LRRC4C: variants seen among roughly 807,000 people sequenced by gnomAD.
The protein encoded by LRRC4C is leucine-rich repeat-containing protein 4C.
Under a neutral mutation model 33.6 loss-of-function variants are expected in LRRC4C, and 5 were observed. The observed-to-expected ratio is 0.15, with a 90% CI of 0.08 to 0.31. The LOEUF is 0.31. Among genes scored for constraint, LRRC4C ranks in the 10% least tolerant of loss-of-function variants. LRRC4C has a pLI of 1.00. For synonymous variants in LRRC4C, 329 were observed against 302.0 expected (o/e 1.09, Z -0.93); for missense variants, 560 against 796.7 (o/e 0.70, Z 3.58).
chr11:40,318,047 C>G (rs1945662967), intron 4 of LRRC4C, among the ~76,000 whole-genome samples: 1 of 151,944 alleles, frequency 6.6e-6, no homozygotes, highest in African/African-American at 2.4e-5. Flanking sequence ...TCTAGTAGAC[C>G]TTTGGTATTC....
Position 40,431,107 on chromosome 11 carries a change from A to AAAT in LRRC4C, c.-269-111387_-269-111386insATT, listed in dbSNP as rs1555056637. On this transcript the variant is annotated intron_variant, in intron 3 of 6. Coordinates refer to ENST00000528697, the MANE Select transcript of LRRC4C (RefSeq NM_001258419.2). ...AAACTTAAAGTATAATAAAAAAAAA[A>AAAT]AAAAAAAATAAATTAAGCACATTGT... is the stretch of plus-strand genomic sequence containing the variant. Among the ~76,000 whole-genome samples the AAAT allele has an allele frequency of 5.2e-4, 70 of 135,772 alleles. 1 individual carries two copies. The highest frequency in any genetic ancestry group is 2.8e-3 in the East Asian group (13 of 4,622). 89.1% of individuals were successfully genotyped at this position (135,772 alleles called of 152,430 possible). A position where few individuals can be genotyped will look rare whatever the true frequency, so the allele number is the denominator to read the frequency against.
intron 5 of LRRC4C, among the ~76,000 whole-genome samples, chr11:40,168,515 C>A (rs1364725157): frequency 6.6e-6 from 1 of 152,194 alleles, no homozygotes; most frequent in Admixed American, 6.5e-5. Flanking sequence ...CCTGAAAAAT[C>A]TCCACAGTAT....
chr11:41,306,564 G>A (rs1462419492), intron 1 of LRRC4C, among the ~76,000 whole-genome samples: 1 of 152,194 alleles, frequency 6.6e-6, no homozygotes, highest in Admixed American at 6.5e-5. Flanking sequence ...AGAGTATCCT[G>A]CAGTGAATGT....
chr11:40,413,516 C>A (rs1194622403), intron 3 of LRRC4C, among the ~76,000 whole-genome samples: 1 of 152,114 alleles, frequency 6.6e-6, no homozygotes. Context: ...ACTATCCAAA[C>A]CCTCTTTTCA....
At chr11:41,094,883 A>T (rs1190669875) in intron 1 of LRRC4C, among the ~76,000 whole-genome samples, 1 of 152,176 alleles carries the variant, frequency 6.6e-6, no homozygotes, top group African/African-American at 2.4e-5. Context: ...TCCCTATTTC[A>T]TTCTGTCTAA....
intron 2 of LRRC4C, among the ~76,000 whole-genome samples, chr11:40,755,005 A>G: frequency 6.6e-6 from 1 of 152,030 alleles, no homozygotes. Context: ...GTTTTCAGGG[A>G]CTTTATTTTC....
At chr11:41,348,611 G>T (rs991854421) in intron 1 of LRRC4C, among the ~76,000 whole-genome samples, 1 of 150,860 alleles carries the variant, frequency 6.6e-6, no homozygotes, top group African/African-American at 2.5e-5. Flanking sequence ...CCAGACTATG[G>T]AGAAGACTGT....
intron 1 of LRRC4C, among the ~76,000 whole-genome samples, chr11:41,334,872 A>ACAAG: frequency 6.6e-6 from 1 of 150,390 alleles, no homozygotes; most frequent in Non-Finnish European, 1.5e-5. Flanking sequence ...AAACAAACAA[A>ACAAG]CAAACAAACA....
In LRRC4C at chr11:41,052,783, C is replaced by T. The variant is rs1266486956; in HGVS notation, c.-495-119060G>A. On this transcript the variant is annotated intron_variant, in intron 1 of 6. Transcript: ENST00000528697. ...TTTATTCTGAAATTTTTGCCCTTACCTTTTTTGGGTATTTGATCATTCTTC... is the reference window on the plus strand; with the variant it reads ...TTTATTCTGAAATTTTTGCCCTTACTTTTTTTGGGTATTTGATCATTCTTC... Among the ~76,000 whole-genome samples, 4 of 152,092 alleles carry T rather than the reference C, an allele frequency of 2.6e-5. No individual in the cohort carries two copies. The South Asian group carries it at 8.3e-4, about 32-fold the overall frequency.
chr11:41,315,991 C>A (rs1475252593), intron 1 of LRRC4C, among the ~76,000 whole-genome samples: 2 of 151,968 alleles, frequency 1.3e-5, no homozygotes, highest in Admixed American at 6.6e-5. Flanking sequence ...CCATTTATTT[C>A]TTTTCCCCTA....
At chr11:41,065,131 A>G (rs966960687) in intron 1 of LRRC4C, among the ~76,000 whole-genome samples, 2 of 152,008 alleles carry the variant, frequency 1.3e-5, no homozygotes, top group Non-Finnish European at 2.9e-5. Context: ...ACTCCCATGG[A>G]GCCCAGAAAG....
In LRRC4C at chr11:40,423,337, T is replaced by A. The variant is rs35728580; in HGVS notation, c.-269-103616A>T. Among the ~76,000 whole-genome samples, 3 of 135,026 alleles carry A rather than the reference T, an allele frequency of 2.2e-5. No individual in the cohort carries two copies. The East Asian group carries it at 6.6e-4, about 30-fold the overall frequency. 88.6% of individuals were successfully genotyped at this position (135,026 alleles called of 152,430 possible). On this transcript the variant is annotated intron_variant, in intron 3 of 6. Transcript: ENST00000528697. Reference sequence around the variant, plus strand: ...GTGAAAAGGAAGTCAGTTGTTCATGTTCTTTTTTTTTTTTTTTTTTTTTTT... The same window carrying A: ...GTGAAAAGGAAGTCAGTTGTTCATGATCTTTTTTTTTTTTTTTTTTTTTTT...
chr11:41,298,577 A>G (rs1473092841), intron 1 of LRRC4C, among the ~76,000 whole-genome samples: 4 of 152,208 alleles, frequency 2.6e-5, no homozygotes, highest in African/African-American at 9.6e-5. Context: ...TATGAGTAAT[A>G]AGGCCAAAAT....
At chr11:40,478,342 T>A (rs921212096) in intron 3 of LRRC4C, among the ~76,000 whole-genome samples, 1 of 152,186 alleles carries the variant, frequency 6.6e-6, no homozygotes, top group Admixed American at 6.5e-5. Flanking sequence ...AGGAAAGTTA[T>A]CCTATTAATT....
At chr11:40,936,618 G>A (rs771288144) in intron 1 of LRRC4C, among the ~76,000 whole-genome samples, 1 of 152,030 alleles carries the variant, frequency 6.6e-6, no homozygotes, top group Non-Finnish European at 1.5e-5. Flanking sequence ...TTACAGGTGT[G>A]AGCCACCGTG....
chr11:41,230,391 G>C (rs1485130528), intron 1 of LRRC4C, among the ~76,000 whole-genome samples: 1 of 151,902 alleles, frequency 6.6e-6, no homozygotes, highest in African/African-American at 2.4e-5. Context: ...ATTGATAATG[G>C]TTTCCTTTCC....
At chr11:41,121,637 A>T (rs1484559167) in intron 1 of LRRC4C, among the ~76,000 whole-genome samples, 2 of 152,224 alleles carry the variant, frequency 1.3e-5, no homozygotes, top group Non-Finnish European at 1.5e-5. Context: ...ATGTGTGTTT[A>T]TAATGAGGCT....
chr11:40,433,196 A>G (rs978196280), intron 3 of LRRC4C, among the ~76,000 whole-genome samples: 1 of 152,180 alleles, frequency 6.6e-6, no homozygotes, highest in Non-Finnish European at 1.5e-5. Context: ...ACTATAATTC[A>G]ATAACTGTAT....
In LRRC4C at chr11:40,115,236, C is replaced by T. The variant is rs1238953050; in HGVS notation, c.1057G>A (p.Ala353Thr). 3.1e-6 allele frequency: 5 copies of T among 1,614,170 alleles called. No individual in the cohort carries two copies. The highest frequency in any genetic ancestry group is 4.2e-6 in the Non-Finnish European group (5 of 1,180,044). ...ELDQNYFTCY[A>T]PVIVEPPADL... ...GCAGGGGGCTCCACAATCACCGGAGCATAGCATGTGAAGTAATTCTGGTCG... is the reference window on the plus strand; with the variant it reads ...GCAGGGGGCTCCACAATCACCGGAGTATAGCATGTGAAGTAATTCTGGTCG... Residue 353 changes from alanine to threonine, a missense_variant, in exon 7 of 7, where the codon GCT becomes ACT. Ala to Thr is a moderately conservative substitution (Grantham distance 58, BLOSUM62 0). Coordinates refer to ENST00000528697, the MANE Select transcript of LRRC4C (RefSeq NM_001258419.2). The surrounding 1 kb of genome is among the most constrained non-coding windows in gnomAD (Gnocchi z 6.7).
Sources: allele counts gnomAD v4.1 joint callset (sites outside exome capture counted in the v4.1 genomes callset), GRCh38; gene constraint gnomAD v4.1.1; non-coding constraint Gnocchi (gnomAD v3.1); transcripts MANE v1.5; gene names NCBI Gene and HGNC (gene_info 2026-07-23, HGNC 2026-07-21).